Variants in IFT88 observed in about 807,000 individuals in gnomAD.
The protein encoded by IFT88 is intraflagellar transport protein 88 homolog.
In IFT88, 74 loss-of-function variants were observed where a neutral mutation model predicts 119.5. The observed-to-expected ratio is 0.62, with a 90% CI of 0.51 to 0.75. IFT88 has a LOEUF of 0.75. IFT88 is among the 30% of genes least tolerant of loss of function. IFT88 has a pLI of 0.00. For synonymous variants in IFT88, 279 were observed against 316.7 expected (o/e 0.88, Z 1.26); for missense variants, 961 against 977.7 (o/e 0.98, Z 0.23).
At chr13:20,585,067 C>T (rs1165267909) in intron 3 of IFT88, among the ~76,000 whole-genome samples, 1 of 152,206 alleles carries the variant, frequency 6.6e-6, no homozygotes, top group South Asian at 2.1e-4. Flanking sequence ...TCCCGTCCTC[C>T]CTGTCCTACG....
At chr13:20,584,704 G>C (rs1275074808) in intron 3 of IFT88, among the ~76,000 whole-genome samples, 1 of 152,116 alleles carries the variant, frequency 6.6e-6, no homozygotes, top group Non-Finnish European at 1.5e-5. Flanking sequence ...AAATAAACAA[G>C]GTTGACACTC....
chr13:20,667,650 G>C (rs2054957287), intron 23 of IFT88, among the ~76,000 whole-genome samples: 1 of 148,658 alleles, frequency 6.7e-6, no homozygotes, highest in Non-Finnish European at 1.5e-5. Flanking sequence ...CACCATGTTG[G>C]TCAGGCTGGT....
intron 22 of IFT88, among the ~76,000 whole-genome samples, chr13:20,657,994 C>T (rs1259670330): frequency 6.6e-6 from 1 of 152,052 alleles, no homozygotes; most frequent in Admixed American, 6.5e-5. Context: ...AGTGTAGGAG[C>T]AGGGTGTTCT....
chr13:20,644,435 A>C (rs764264428), intron 19 of IFT88, among the ~76,000 whole-genome samples: 4 of 152,114 alleles, frequency 2.6e-5, no homozygotes, highest in Non-Finnish European at 5.9e-5. Flanking sequence ...TGGGAGGCAG[A>C]GGTTGTAGTG....
chr13:20,595,412 C>T (rs1461865425), intron 7 of IFT88, among the ~76,000 whole-genome samples: 1 of 152,086 alleles, frequency 6.6e-6, no homozygotes, highest in Non-Finnish European at 1.5e-5. Context: ...GCCTCAGCCT[C>T]CCAAGTAGCT....
At chr13:20,569,554 C>T (rs1373736973) in intron 1 of IFT88, among the ~76,000 whole-genome samples, 1 of 147,080 alleles carries the variant, frequency 6.8e-6, no homozygotes, top group Non-Finnish European at 1.5e-5. Flanking sequence ...GCCTGGGTGA[C>T]AGAGCGAGAC....
rs558428939 is a variant in IFT88 at position 20,667,093 on chromosome 13, A to G, written c.2175+3489A>G. Among the ~76,000 whole-genome samples, 3 of 152,306 alleles carry G rather than the reference A, an allele frequency of 2.0e-5. No individual in the cohort carries two copies. In the South Asian group the frequency reaches 6.2e-4, roughly 32 times the overall value. On this transcript the variant is annotated intron_variant, in intron 23 of 25. Transcript: ENST00000351808. Reference sequence around the variant, plus strand: ...ATTTTGTTACATGGCTGTTTCCTGCACATCTTAGCGTTGAAGTGATAAGAA... The same window carrying G: ...ATTTTGTTACATGGCTGTTTCCTGCGCATCTTAGCGTTGAAGTGATAAGAA...
intron 9 of IFT88, among the ~76,000 whole-genome samples, chr13:20,597,467 G>C (rs367982584): frequency 6.6e-6 from 1 of 152,140 alleles, no homozygotes; most frequent in East Asian, 1.9e-4. Flanking sequence ...ATATGTAGCC[G>C]GGTGCCGTGG....
chr13:20,689,090 C>T (rs1176820472), intron 24 of IFT88, among the ~76,000 whole-genome samples: 8 of 152,104 alleles, frequency 5.3e-5, no homozygotes, highest in Non-Finnish European at 7.4e-5. Flanking sequence ...TGCACCACCA[C>T]GCCCGGCTAA....
chr13:20,601,873 A>T lies in IFT88; in HGVS notation c.981A>T (p.Ala327=). Residue 327 remains alanine, a synonymous_variant, in exon 12 of 26, where the codon GCA becomes GCT. Transcript: ENST00000351808. ...GAGACCGAGAAAAAATGAAGAAGGCATTCCAAAAATTGATTACTGTTCCAT... is the reference window on the plus strand; with the variant it reads ...GAGACCGAGAAAAAATGAAGAAGGCTTTCCAAAAATTGATTACTGTTCCAT... The part of the protein sequence containing the change: ...AIGDREKMKK[A]FQKLITVPLE... The T allele has an allele frequency of 6.2e-7, 1 of 1,611,968 alleles. No individual in the cohort carries two copies.
intron 13 of IFT88, among the ~76,000 whole-genome samples, chr13:20,612,596 C>G (rs2044758160): frequency 6.6e-6 from 1 of 152,118 alleles, no homozygotes; most frequent in South Asian, 2.1e-4. Context: ...CCACCCTTGT[C>G]AAAATTCCAG....
At chr13:20,602,611 G>T (rs980399714) in intron 12 of IFT88, among the ~76,000 whole-genome samples, 2 of 152,198 alleles carry the variant, frequency 1.3e-5, no homozygotes, top group Non-Finnish European at 2.9e-5. Context: ...AAGGCTGGGC[G>T]CAGTGGCTCA....
At chr13:20,673,905 T>C (rs2056279613) in intron 24 of IFT88, among the ~76,000 whole-genome samples, 4 of 152,230 alleles carry the variant, frequency 2.6e-5, no homozygotes, top group African/African-American at 7.2e-5. Flanking sequence ...GGTTGCGTGT[T>C]ACTAGGTTCT....
At chr13:20,576,876 G>A (rs923169227) in intron 2 of IFT88, among the ~76,000 whole-genome samples, 1 of 152,080 alleles carries the variant, frequency 6.6e-6, no homozygotes, top group South Asian at 2.1e-4. Context: ...TAGACTTTAG[G>A]ATGTTTTCTT....
At chr13:20,586,113 G>A (rs1392183483) in intron 3 of IFT88, among the ~76,000 whole-genome samples, 1 of 152,180 alleles carries the variant, frequency 6.6e-6, no homozygotes, top group Non-Finnish European at 1.5e-5. Flanking sequence ...AAATGACTTT[G>A]GAGATTCTTA....
At chr13:20,637,432 A>C (rs1480696198) in intron 16 of IFT88, among the ~76,000 whole-genome samples, 1 of 152,128 alleles carries the variant, frequency 6.6e-6, no homozygotes, top group Non-Finnish European at 1.5e-5. Context: ...AGGAGGAGTA[A>C]CCATCAGTCA....
At position 20,586,950 on chromosome 13, in the gene IFT88, A is replaced by G. The variant is rs1241945838; in HGVS notation, c.154-2861A>G. On this transcript the variant is annotated intron_variant, in intron 3 of 25. Coordinates refer to ENST00000351808, the MANE Select transcript of IFT88 (RefSeq NM_006531.5). ...TTACATTTTCCTTATGATTTAGTTC[A>G]AAATATTTTCTAATTTCCATGGGTA... Among the ~76,000 whole-genome samples, 4 of 152,180 alleles carry G rather than the reference A, an allele frequency of 2.6e-5. No homozygotes were observed. In the East Asian group the frequency reaches 7.7e-4, roughly 29 times the overall value.
At chr13:20,625,964 A>G in intron 15 of IFT88, 115 bp downstream of exon 15, 1 of 410,362 alleles carries the variant, frequency 2.4e-6, no homozygotes, top group East Asian at 3.8e-5. Flanking sequence ...GAAGTTGAAT[A>G]ATATTTTTAT....
At chr13:20,618,483 T>C (rs1243351224) in intron 14 of IFT88, among the ~76,000 whole-genome samples, 1 of 152,174 alleles carries the variant, frequency 6.6e-6, no homozygotes, top group Non-Finnish European at 1.5e-5. Context: ...GGCTGCGTGG[T>C]AGACTAGTTG....
Sources: allele counts gnomAD v4.1 joint callset (sites outside exome capture counted in the v4.1 genomes callset), GRCh38; gene constraint gnomAD v4.1.1; transcripts MANE v1.5; gene names NCBI Gene and HGNC (gene_info 2026-07-23, HGNC 2026-07-21).